The following SSH2 variants were observed in gnomAD, a reference collection of about 807,000 sequenced individuals.
SSH2 encodes protein phosphatase Slingshot homolog 2.
In SSH2, 37 loss-of-function variants were observed where a neutral mutation model predicts 135.2. That is an observed-to-expected ratio of 0.27 (90% CI 0.21 to 0.36). SSH2 has a LOEUF of 0.36. SSH2 is among the 10% of genes least tolerant of loss of function. SSH2 has a pLI of 1.00. For missense variants in SSH2, 1,408 were observed against 1,765.3 expected (o/e 0.80, Z 3.63); for synonymous variants, 628 against 646.2 (o/e 0.97, Z 0.43).
intron 2 of SSH2, among the ~76,000 whole-genome samples, chr17:29,826,977 A>G (rs1475027039): frequency 1.3e-5 from 2 of 152,164 alleles, no homozygotes; most frequent in African/African-American, 2.4e-5. Flanking sequence ...AGAGAGCTCG[A>G]CTTTTTCATT....
intron 2 of SSH2, among the ~76,000 whole-genome samples, chr17:29,834,199 A>G (rs900228508): frequency 6.6e-6 from 1 of 152,098 alleles, no homozygotes; most frequent in Non-Finnish European, 1.5e-5. Flanking sequence ...GAAGAAAAAG[A>G]TATACAAATG....
intron 3 of SSH2, among the ~76,000 whole-genome samples, chr17:29,738,728 G>T (rs1473669103): frequency 1.1e-4 from 16 of 151,598 alleles, no homozygotes; most frequent in Non-Finnish European, 2.9e-5. Context: ...TAATTTTTTT[G>T]TATTTTTAGT....
chr17:29,804,783 G>A (rs557844216), intron 2 of SSH2, among the ~76,000 whole-genome samples: 8 of 149,714 alleles, frequency 5.3e-5, no homozygotes, highest in Non-Finnish European at 8.9e-5. Flanking sequence ...GTGTTCTCTC[G>A]CCTCAGCCTT....
rs770176053 is a variant in SSH2, at chr17:29,631,613, G to C, written c.3581C>G (p.Pro1194Arg). Residue 1194 changes from proline (P) to arginine (R), a missense_variant, in exon 16 of 16, where the codon CCT becomes CGT. Around this residue, in one of 3 missense-constraint regions of SSH2, gnomAD observed 1,080 missense variants for 1,144.5 expected, o/e 0.94. Coordinates refer to ENST00000540801, the MANE Select transcript of SSH2 (RefSeq NM_001282129.2). ...TGGCACCTCACTGCCACTGGAGAGA[G>C]GGCTCTCCTGACTTTCTTCCCAGCT... The part of the protein sequence containing the change: ...QVSWEESQES[P>R]LSSGSEVPYK... 1.1e-5 allele frequency: 18 copies of C among 1,614,026 alleles called. No individual in the cohort carries two copies. The East Asian group carries it at 2.2e-4, about 20-fold the overall frequency.
intron 3 of SSH2, among the ~76,000 whole-genome samples, chr17:29,707,307 A>G (rs73280666): frequency 0.015 from 2,215 of 152,278 alleles, 57 homozygotes; most frequent in African/African-American, 0.049. Context: ...GGCTTTCTCA[A>G]AGTAAGGGTT....
rs944116358 is a variant in SSH2, at chr17:29,629,812, A to C, written c.*1029T>G. ...AAATATAATCTATGAAATTTAAAAA[A>C]ATAGGCAGCATGGGGACAACAGCAT... On this transcript the variant is annotated 3_prime_UTR_variant, in exon 16 of 16. Transcript: ENST00000540801. The C allele has an allele frequency of 1.3e-5, 2 of 152,652 alleles. No individual in the cohort carries two copies. Among genetic ancestry groups the C allele is most frequent in the African/African-American group, 2.4e-5 (1 of 41,472 alleles). The allele number at this position is 152,652 out of a possible 1,614,324, so 9.5% of individuals were successfully genotyped here. A position where few individuals can be genotyped will look rare whatever the true frequency, so the allele number is the denominator to read the frequency against.
At chr17:29,740,981 A>C (rs570616508) in intron 3 of SSH2, among the ~76,000 whole-genome samples, 12 of 152,306 alleles carry the variant, frequency 7.9e-5, no homozygotes, top group African/African-American at 2.9e-4. Context: ...ATATGCTCAA[A>C]AACTCTCTGG....
At chr17:29,770,648 T>G (rs561806492) in intron 3 of SSH2, among the ~76,000 whole-genome samples, 1 of 151,998 alleles carries the variant, frequency 6.6e-6, no homozygotes, top group African/African-American at 2.4e-5. Flanking sequence ...AATTTTTGTA[T>G]TTTTAGTAGA....
At chr17:29,814,209 G>A (rs959695234) in intron 2 of SSH2, among the ~76,000 whole-genome samples, 2 of 149,448 alleles carry the variant, frequency 1.3e-5, no homozygotes, top group African/African-American at 5.0e-5. Flanking sequence ...GCCGAGGTGG[G>A]CGGATCACCA....
At chr17:29,717,532 G>A (rs2039666969) in intron 3 of SSH2, among the ~76,000 whole-genome samples, 1 of 152,244 alleles carries the variant, frequency 6.6e-6, no homozygotes, top group Non-Finnish European at 1.5e-5. Flanking sequence ...CCAGAGATGA[G>A]CAGTGGCTGC....
intron 1 of SSH2, among the ~76,000 whole-genome samples, chr17:29,860,773 T>C (rs1387581884): frequency 7.4e-5 from 11 of 149,014 alleles, no homozygotes; most frequent in Non-Finnish European, 1.6e-4. Context: ...TGAGACAGAG[T>C]CTCGCTCTGT....
intron 2 of SSH2, among the ~76,000 whole-genome samples, chr17:29,827,377 C>T (rs1195914464): frequency 6.6e-6 from 1 of 152,144 alleles, no homozygotes; most frequent in African/African-American, 2.4e-5. Flanking sequence ...ATTTAAATCC[C>T]AGTTTGATTG....
chr17:29,812,047 T>C (rs752903189), intron 2 of SSH2, among the ~76,000 whole-genome samples: 1 of 152,132 alleles, frequency 6.6e-6, no homozygotes, highest in South Asian at 2.1e-4. Context: ...GTAATACTTA[T>C]CTCTAACCCT....
At chr17:29,890,343 C>G (rs991240827) in intron 1 of SSH2, among the ~76,000 whole-genome samples, 1 of 152,156 alleles carries the variant, frequency 6.6e-6, no homozygotes, top group African/African-American at 2.4e-5. Context: ...TATGTCCATA[C>G]AGAAACTTGT....
intron 2 of SSH2, among the ~76,000 whole-genome samples, chr17:29,802,618 C>CAAAAAAAAAAAAAAAAAAAAAA (rs74267073): frequency 1.7e-5 from 1 of 57,382 alleles, no homozygotes; most frequent in African/African-American, 6.2e-5. Flanking sequence ...ACTGTTTCTA[C>CAAAAAAAAAAAAAAAAAAAAAA]AAAAAAAAAA....
intron 2 of SSH2, among the ~76,000 whole-genome samples, chr17:29,843,540 G>A (rs1342677797): frequency 1.3e-5 from 2 of 150,996 alleles, no homozygotes; most frequent in South Asian, 2.1e-4. Context: ...CTGGGTGACA[G>A]AGGGAGACTC....
chr17:29,794,858 T>C (rs2042130612), intron 2 of SSH2, among the ~76,000 whole-genome samples: 1 of 152,218 alleles, frequency 6.6e-6, no homozygotes, highest in Non-Finnish European at 1.5e-5. Flanking sequence ...TAAAAATTAG[T>C]ATATGTTATG....
intron 3 of SSH2, among the ~76,000 whole-genome samples, chr17:29,788,556 ATTTC>A (rs1413378954): frequency 6.6e-6 from 1 of 151,418 alleles, no homozygotes; most frequent in East Asian, 1.9e-4. Context: ...CTTAGAATCA[ATTTC>A]TTTCTTTTCT....
At chr17:29,879,247 C>T (rs1046510289) in intron 1 of SSH2, among the ~76,000 whole-genome samples, 6 of 152,142 alleles carry the variant, frequency 3.9e-5, no homozygotes, top group Admixed American at 1.3e-4. Flanking sequence ...TGGATATACA[C>T]GGACTCAGCC....
Sources: allele counts gnomAD v4.1 joint callset (sites outside exome capture counted in the v4.1 genomes callset), GRCh38; gene constraint gnomAD v4.1.1; regional missense constraint gnomAD v4.1.1; transcripts MANE v1.5; gene names NCBI Gene and HGNC (gene_info 2026-07-23, HGNC 2026-07-21).